The following CHEK2 variants were observed in gnomAD, a reference collection of about 807,000 sequenced individuals.
The protein encoded by CHEK2 is checkpoint kinase 2, also known as serine/threonine-protein kinase Chk2.
CHEK2 carries 71 observed loss-of-function variants against 69.1 expected under a neutral mutation model. The ratio of observed to expected loss-of-function variants is 1.03; its 90% CI spans 0.85 to 1.25. The LOEUF (loss-of-function observed/expected upper bound fraction) is 1.25. Ranked by LOEUF, CHEK2 falls within the 50% of genes most tolerant of loss-of-function variation. The probability of loss-of-function intolerance (pLI) is 0.00; values close to 1 mark genes in which losing one functional copy is unlikely to be tolerated. For synonymous variants in CHEK2, 189 were observed against 226.9 expected (o/e 0.83, Z 1.50); for missense variants, 664 against 649.6 (o/e 1.02, Z -0.24).
At chr22:28,710,585 C>T (rs1210677673) in intron 6 of CHEK2, among the ~76,000 whole-genome samples, 1 of 152,192 alleles carries the variant, frequency 6.6e-6, no homozygotes, top group Non-Finnish European at 1.5e-5. Context: ...ACTTCAACAG[C>T]AGCCTCGCAT....
intron 5 of CHEK2, among the ~76,000 whole-genome samples, chr22:28,717,091 TACTC>T (rs1307625428): frequency 5.3e-5 from 8 of 152,352 alleles, no homozygotes; most frequent in African/African-American, 1.9e-4. Context: ...TAAAAAATGT[TACTC>T]AGGCCAGGCG....
intron 8 of CHEK2, among the ~76,000 whole-genome samples, chr22:28,701,206 A>T (rs2052830905): frequency 6.6e-6 from 1 of 152,080 alleles, no homozygotes; most frequent in Non-Finnish European, 1.5e-5. Flanking sequence ...ATCAGGGGTG[A>T]TCAGGGGTGT....
Position 28,696,759 on chromosome 22 carries a change from T to A in CHEK2, c.1095+142A>T. On this transcript the variant is annotated intron_variant, in intron 10 of 14. Transcript: ENST00000404276. Reference sequence around the variant, plus strand: ...CATTCGAATCTGGATAAGAGCAGTATCACCTGATCTCTAAAATAATTGGTA... The same window carrying A: ...CATTCGAATCTGGATAAGAGCAGTAACACCTGATCTCTAAAATAATTGGTA... 2 of 674,352 alleles carry A rather than the reference T, an allele frequency of 3.0e-6. 1 individual carries two copies. The highest frequency in any genetic ancestry group is 3.2e-5 in the South Asian group (2 of 62,598). 41.8% of individuals were successfully genotyped at this position (674,352 alleles called of 1,614,324 possible). A position where few individuals can be genotyped will look rare whatever the true frequency, so the allele number is the denominator to read the frequency against.
intron 7 of CHEK2, among the ~76,000 whole-genome samples, chr22:28,704,111 G>GAGACAGACA (rs2053008291): frequency 1.8e-5 from 2 of 110,152 alleles, no homozygotes; most frequent in African/African-American, 6.9e-5. Flanking sequence ...GGCAGAGAGA[G>GAGACAGACA]AGACAGACAG....
chr22:28,720,848 G>T (rs1282558262), intron 4 of CHEK2, among the ~76,000 whole-genome samples: 1 of 152,200 alleles, frequency 6.6e-6, no homozygotes, highest in Admixed American at 6.5e-5. Flanking sequence ...TCCTGTCAAG[G>T]TTTACTTCAA....
In CHEK2 at chr22:28,730,438, G is replaced by A. The variant is rs766676371; in HGVS notation, c.319+3965C>T. ...ATCATACTTAGACTGCAAACTGGCC[G>A]GGGATGGTGCCTCACACCTCTTATC... On this transcript the variant is annotated intron_variant, in intron 2 of 14. Transcript: ENST00000404276. The A allele has an allele frequency of 3.2e-5, 22 of 684,650 alleles. No homozygotes were observed. The highest frequency in any genetic ancestry group is 1.1e-4 in the African/African-American group (6 of 56,722). The allele number at this position is 684,650 out of a possible 1,614,324, so 42.4% of individuals were successfully genotyped here. A position where few individuals can be genotyped will look rare whatever the true frequency, so the allele number is the denominator to read the frequency against.
intron 8 of CHEK2, among the ~76,000 whole-genome samples, chr22:28,703,098 C>T (rs2052951890): frequency 6.6e-6 from 1 of 152,172 alleles, no homozygotes; most frequent in Non-Finnish European, 1.5e-5. Flanking sequence ...TGAGTACACA[C>T]ATGTGCCAGG....
intron 2 of CHEK2, among the ~76,000 whole-genome samples, chr22:28,731,804 A>G (rs1056701700): frequency 2.6e-5 from 4 of 152,096 alleles, no homozygotes; most frequent in Non-Finnish European, 2.9e-5. Context: ...CTGGGATTAC[A>G]GTTGAGAGCC....
intron 8 of CHEK2, among the ~76,000 whole-genome samples, chr22:28,702,444 T>C (rs553896309): frequency 3.3e-4 from 50 of 151,742 alleles, no homozygotes; most frequent in African/African-American, 1.1e-3. Context: ...TTCACCGTGT[T>C]AGCCAGGATG....
chr22:28,698,086 AT>A (rs930630969), intron 9 of CHEK2, among the ~76,000 whole-genome samples: 7 of 151,218 alleles, frequency 4.6e-5, no homozygotes, highest in Admixed American at 1.3e-4. Flanking sequence ...TTAAAATTAA[AT>A]TTTTTTTTTA....
At chr22:28,737,175 T>C (rs1383408031) in intron 1 of CHEK2, 1 of 377,030 alleles carries the variant, frequency 2.7e-6, no homozygotes, top group Non-Finnish European at 5.4e-6. Flanking sequence ...GCCTGAAACC[T>C]CGCATAGTAC....
At chr22:28,693,960 CTCTG>C in intron 13 of CHEK2, 68 bp downstream of exon 13, 1 of 941,606 alleles carries the variant, frequency 1.1e-6, no homozygotes, top group Non-Finnish European at 1.7e-6. Flanking sequence ...TGTTTCTGTC[CTCTG>C]TCTCATGTCT....
At chr22:28,716,245 G>A (rs1056408888) in intron 5 of CHEK2, among the ~76,000 whole-genome samples, 1 of 149,362 alleles carries the variant, frequency 6.7e-6, no homozygotes, top group African/African-American at 2.5e-5. Flanking sequence ...TGCCAAGGGT[G>A]GAGTGCAGTG....
intron 7 of CHEK2, among the ~76,000 whole-genome samples, chr22:28,706,079 G>C (rs2053127917): frequency 6.6e-6 from 1 of 151,978 alleles, no homozygotes; most frequent in African/African-American, 2.4e-5. Flanking sequence ...AGATCACCAG[G>C]TCAAGAGATC....
intron 13 of CHEK2, 90 bp from the exon 14 acceptor site, chr22:28,689,305 G>A (rs1235671551): frequency 1.1e-6 from 1 of 931,136 alleles, no homozygotes; most frequent in Non-Finnish European, 1.7e-6. Flanking sequence ...TGGAAAGAGG[G>A]AGGAAAAATG....
intron 7 of CHEK2, among the ~76,000 whole-genome samples, chr22:28,707,055 T>C (rs1719226391): frequency 6.6e-6 from 1 of 152,052 alleles, no homozygotes; most frequent in Admixed American, 6.6e-5. Flanking sequence ...TGAAAATGGG[T>C]GGGGTCTGGA....
intron 9 of CHEK2, among the ~76,000 whole-genome samples, chr22:28,698,532 G>A (rs1282329300): frequency 2.0e-5 from 3 of 152,110 alleles, no homozygotes; most frequent in African/African-American, 4.8e-5. Context: ...AAACCTCCAG[G>A]GAGGGCAAAC....
intron 12 of CHEK2, among the ~76,000 whole-genome samples, 186 bp from the exon 13 acceptor site, chr22:28,694,303 T>C (rs1228906402): frequency 1.3e-5 from 2 of 152,148 alleles, no homozygotes; most frequent in Non-Finnish European, 2.9e-5. Flanking sequence ...AGACCAGGAA[T>C]GATAATGACA....
chr22:28,735,577 C>A (rs559444298), intron 1 of CHEK2, among the ~76,000 whole-genome samples: 1 of 152,060 alleles, frequency 6.6e-6, no homozygotes, highest in Admixed American at 6.6e-5. Flanking sequence ...ATATTTAACA[C>A]CTTATTATAA....
Sources: gnomAD v4.1 joint callset for allele counts (sites outside exome capture counted in the v4.1 genomes callset) on GRCh38, gnomAD v4.1.1 for gene constraint, MANE v1.5 for transcripts, NCBI Gene and HGNC (gene_info 2026-07-23, HGNC 2026-07-21) for gene names.